The following CADM4 variants were observed in gnomAD, a reference collection of about 807,000 sequenced individuals.
The protein encoded by CADM4 is cell adhesion molecule 4, also known as TSLC1-like 2.
In CADM4, 13 loss-of-function variants were observed where a neutral mutation model predicts 43.9. The ratio of observed to expected loss-of-function variants is 0.30; its 90% CI spans 0.19 to 0.47. The LOEUF (loss-of-function observed/expected upper bound fraction) is 0.47, where lower values mean the gene tolerates loss of function less well. CADM4 is among the 20% of genes least tolerant of loss of function. The pLI, the probability that CADM4 is intolerant of heterozygous loss-of-function variation, is 1.00. For missense variants in CADM4, 420 were observed against 527.0 expected (o/e 0.80, Z 1.99); for synonymous variants, 209 against 220.9 (o/e 0.95, Z 0.48).
At chr19:43,635,834 C>T (rs1442609512) in intron 1 of CADM4, among the ~76,000 whole-genome samples, 1 of 140,500 alleles carries the variant, frequency 7.1e-6, no homozygotes, top group Non-Finnish European at 1.5e-5. Flanking sequence ...GCCCCTCCTC[C>T]CTCAGACTCA....
In CADM4 at chr19:43,624,159, T is replaced by C. The variant is rs1973485623; in HGVS notation, c.1012A>G (p.Ile338Val). ...GILALLVFLI[I>V]CVLVGMVWCS... is the part of the protein sequence containing the mutation. Reference sequence around the variant, plus strand: ...CAGACCATGCCCACTAGCACACATATGATCAGAAACACCAGCAGCGCCAGG... The same window carrying C: ...CAGACCATGCCCACTAGCACACATACGATCAGAAACACCAGCAGCGCCAGG... The change falls in exon 8 of 9, where the codon ATA becomes GTA. Residue 338 changes from isoleucine to valine, a missense_variant. Transcript: ENST00000222374. 2.5e-6 allele frequency: 4 copies of C among 1,614,132 alleles called. No individual in the cohort carries two copies. Among genetic ancestry groups the C allele is most frequent in the Non-Finnish European group, 3.4e-6 (4 of 1,180,018 alleles).
intron 1 of CADM4, among the ~76,000 whole-genome samples, chr19:43,628,753 C>G (rs989126211): frequency 6.6e-6 from 1 of 152,198 alleles, no homozygotes; most frequent in Non-Finnish European, 1.5e-5. Context: ...AAGACTGTTG[C>G]ATGAAGATAC....
chr19:43,640,517 T>C (rs1389068950), upstream of CADM4, among the ~76,000 whole-genome samples: 5 of 151,800 alleles, frequency 3.3e-5, no homozygotes, highest in Non-Finnish European at 1.5e-5. Flanking sequence ...CCTCCCTCCC[T>C]CTCTCCTGTC....
At chr19:43,640,796 G>A (rs1973764299), upstream of CADM4, among the ~76,000 whole-genome samples, 1 of 152,124 alleles carries the variant, frequency 6.6e-6, no homozygotes, top group Non-Finnish European at 1.5e-5. Context: ...CCTCCTGGGA[G>A]TGGGTTTCCC....
upstream of CADM4, among the ~76,000 whole-genome samples, chr19:43,641,373 T>C (rs551691925): frequency 2.3e-4 from 35 of 152,290 alleles, no homozygotes; most frequent in Admixed American, 1.4e-3. Flanking sequence ...CCCAGTATCC[T>C]TTCTGACCTC....
At position 43,626,418 on chromosome 19, in the gene CADM4, CA is replaced by C. The variant is rs1219265563; in HGVS notation, c.500-131del. 1 of 1,146,024 alleles carries C rather than the reference CA, an allele frequency of 8.7e-7. No homozygotes were observed. The highest frequency in any genetic ancestry group is 1.5e-5 in the African/African-American group (1 of 65,674). The allele number at this position is 1,146,024 out of a possible 1,614,324, so 71.0% of individuals were successfully genotyped here. A position where few individuals can be genotyped will look rare whatever the true frequency, so the allele number is the denominator to read the frequency against. ...CCCACAGGCCCCGCCTCTTGTCCTC[CA>C]AGCTACGCCCCTCCCCTAACCAAGC... is the stretch of plus-strand genomic sequence containing the variant. On this transcript the variant is annotated intron_variant, in intron 4 of 8. Coordinates refer to ENST00000222374, the MANE Select transcript of CADM4 (RefSeq NM_145296.2). This position sits in a 1 kb window ranked among gnomAD's most constrained non-coding sequence, Gnocchi z 5.9.
At chr19:43,640,074 G>C (rs1490400877), upstream of CADM4, among the ~76,000 whole-genome samples, 1 of 150,946 alleles carries the variant, frequency 6.6e-6, no homozygotes, top group African/African-American at 2.4e-5. Context: ...GAGCAGGTGG[G>C]GGATCTCGGT....
At chr19:43,624,342 G>T in intron 7 of CADM4, 100 bp from the exon 8 acceptor site, 1 of 1,489,958 alleles carries the variant, frequency 6.7e-7, no homozygotes. Context: ...ACGTCTAACC[G>T]TGCCCTTTTA....
chr19:43,634,100 G>A (rs1191160601), intron 1 of CADM4, among the ~76,000 whole-genome samples: 1 of 152,056 alleles, frequency 6.6e-6, no homozygotes, highest in Non-Finnish European at 1.5e-5. Context: ...TGTGACCTGT[G>A]GGCAAGTGAC....
chr19:43,634,699 G>A (rs1001732679), intron 1 of CADM4, among the ~76,000 whole-genome samples: 1 of 152,022 alleles, frequency 6.6e-6, no homozygotes. Flanking sequence ...GCCAGGAGTC[G>A]TCATGGGGAT....
At position 43,627,610 on chromosome 19, in the gene CADM4, T is replaced by G. The variant is rs1300201285; in HGVS notation, c.211+34A>C. ...AGCCTGGGCCCCAGCCCTCTCTTCCTTTAAGACTCCTGAGTCTGGTCCCCA... is the reference window on the plus strand; with the variant it reads ...AGCCTGGGCCCCAGCCCTCTCTTCCGTTAAGACTCCTGAGTCTGGTCCCCA... On this transcript the variant is annotated intron_variant, in intron 2 of 8. Transcript: ENST00000222374. The surrounding 1 kb of genome is among the most constrained non-coding windows in gnomAD (Gnocchi z 4.0). The G allele has an allele frequency of 1.9e-6, 3 of 1,595,662 alleles. No homozygotes were observed. Among genetic ancestry groups the G allele is most frequent in the Non-Finnish European group, 2.6e-6 (3 of 1,165,340 alleles).
intron 1 of CADM4, among the ~76,000 whole-genome samples, chr19:43,628,227 C>T (rs1262190401): frequency 1.3e-5 from 2 of 149,240 alleles, no homozygotes; most frequent in Non-Finnish European, 3.0e-5. Context: ...AGATAGAGAC[C>T]ATCCTGGCCA....
At chr19:43,641,917 G>A (rs1260626738), upstream of CADM4, among the ~76,000 whole-genome samples, 1 of 152,132 alleles carries the variant, frequency 6.6e-6, no homozygotes, top group Non-Finnish European at 1.5e-5. Flanking sequence ...GATGTCTCCT[G>A]CTCCAGCTGA....
chr19:43,632,149 T>A (rs766132271), intron 1 of CADM4, among the ~76,000 whole-genome samples: 42 of 152,154 alleles, frequency 2.8e-4, no homozygotes, highest in Non-Finnish European at 5.0e-4. Context: ...GTCACCACCA[T>A]CCACCTGGTT....
intron 1 of CADM4, among the ~76,000 whole-genome samples, chr19:43,634,351 C>A (rs1157604927): frequency 6.6e-6 from 1 of 152,178 alleles, no homozygotes; most frequent in African/African-American, 2.4e-5. Context: ...TGCTAGCCCC[C>A]CATTTTACAG....
intron 1 of CADM4, among the ~76,000 whole-genome samples, chr19:43,629,908 C>T (rs983933128): frequency 1.3e-5 from 2 of 151,664 alleles, no homozygotes; most frequent in Non-Finnish European, 2.9e-5. Context: ...CGACCCACCG[C>T]GCCTGGCCAA....
At position 43,626,944 on chromosome 19, in the gene CADM4, G is replaced by A; in HGVS notation, c.365-26C>T. The A allele has an allele frequency of 6.4e-7, 1 of 1,562,436 alleles. No individual in the cohort carries two copies. On this transcript the variant is annotated intron_variant, in intron 3 of 8. Transcript: ENST00000222374. This position sits in a 1 kb window ranked among gnomAD's most constrained non-coding sequence, Gnocchi z 5.9. ...CTGCCGCAGGGAGAAGGGAAGTAAG[G>A]GGTTAAAGAAGGCACGAACGTGGGC...
chr19:43,629,004 G>A (rs80276977), intron 1 of CADM4, among the ~76,000 whole-genome samples: 1 of 152,226 alleles, frequency 6.6e-6, no homozygotes, highest in African/African-American at 2.4e-5. Context: ...GTTGTTTTAA[G>A]CTCCTAAGTT....
upstream of CADM4, chr19:43,639,878 C>G (rs913799669): frequency 1.0e-6 from 1 of 965,722 alleles, no homozygotes; most frequent in African/African-American, 1.8e-5. Flanking sequence ...CGCCCCGCCC[C>G]CTGCCCGCCC....
Sources: gnomAD v4.1 joint callset for allele counts (sites outside exome capture counted in the v4.1 genomes callset) on GRCh38, gnomAD v4.1.1 for gene constraint, Gnocchi (gnomAD v3.1) non-coding constraint, MANE v1.5 for transcripts, NCBI Gene and HGNC (gene_info 2026-07-23, HGNC 2026-07-21) for gene names.